CDH12: variants seen among roughly 807,000 people sequenced by gnomAD.
CDH12 encodes cadherin 12.
In CDH12, 41 loss-of-function variants were observed where a neutral mutation model predicts 74.1. The observed-to-expected ratio is 0.55, with a 90% CI of 0.43 to 0.72. The LOEUF (loss-of-function observed/expected upper bound fraction) is 0.72, where lower values mean the gene tolerates loss of function less well. CDH12 is among the 30% of genes least tolerant of loss of function. The pLI, the probability that CDH12 is intolerant of heterozygous loss-of-function variation, is 0.00. For missense variants in CDH12, 945 were observed against 977.2 expected (o/e 0.97, Z 0.44); for synonymous variants, 399 against 355.0 (o/e 1.12, Z -1.39).
chr5:22,095,689 ACCC>A (rs1743719612), intron 4 of CDH12, among the ~76,000 whole-genome samples: 1 of 146,170 alleles, frequency 6.8e-6, no homozygotes. Context: ...CCGTGTCTCT[ACCC>A]CTTCTCTGCT....
At chr5:22,077,113 G>T (rs981349977) in intron 5 of CDH12, among the ~76,000 whole-genome samples, 9 of 151,646 alleles carry the variant, frequency 5.9e-5, no homozygotes, top group Non-Finnish European at 1.0e-4. Context: ...GAGACTGGAT[G>T]ACCAGAATGG....
intron 1 of CDH12, among the ~76,000 whole-genome samples, chr5:22,566,502 T>G (rs757441589): frequency 3.4e-4 from 52 of 152,178 alleles, no homozygotes; most frequent in Non-Finnish European, 7.1e-4. Context: ...GCTCCCAAAG[T>G]GCTGGGATTA....
At chr5:22,177,279 C>T (rs987081605) in intron 4 of CDH12, among the ~76,000 whole-genome samples, 7 of 151,988 alleles carry the variant, frequency 4.6e-5, no homozygotes, top group Non-Finnish European at 5.9e-5. Flanking sequence ...ATACAGAAGT[C>T]GCTTTGCTTT....
At chr5:22,357,815 G>T (rs1329493323) in intron 3 of CDH12, among the ~76,000 whole-genome samples, 1 of 152,066 alleles carries the variant, frequency 6.6e-6, no homozygotes, top group Non-Finnish European at 1.5e-5. Flanking sequence ...ACACAGAAAA[G>T]ATAAAATAGA....
intron 1 of CDH12, among the ~76,000 whole-genome samples, chr5:22,685,151 G>A (rs890650398): frequency 9.2e-5 from 14 of 152,170 alleles, no homozygotes; most frequent in African/African-American, 2.9e-4. Flanking sequence ...GCCTATTAAC[G>A]TGTACAATTA....
chr5:22,383,687 G>A lies in CDH12; in HGVS notation c.-333+21570C>T, dbSNP rs73744408. Among the ~76,000 whole-genome samples, 944 of 152,252 alleles carry A rather than the reference G, an allele frequency of 6.2e-3. 10 individuals carry two copies. The highest frequency in any genetic ancestry group is 0.022 in the African/African-American group (907 of 41,560). ...GCCAAAATAATCTCCCAATTCATGTGTATATTTCTCTAACTGGCATAAATC... is the reference window on the plus strand; with the variant it reads ...GCCAAAATAATCTCCCAATTCATGTATATATTTCTCTAACTGGCATAAATC... On this transcript the variant is annotated intron_variant, in intron 3 of 14. Transcript: ENST00000382254.
At chr5:22,193,084 A>G (rs950545119) in intron 4 of CDH12, among the ~76,000 whole-genome samples, 2 of 152,192 alleles carry the variant, frequency 1.3e-5, no homozygotes, top group African/African-American at 4.8e-5. Context: ...GCTGGAGAAA[A>G]CTGCAATTTT....
At chr5:22,057,859 C>T (rs1740849883) in intron 5 of CDH12, among the ~76,000 whole-genome samples, 1 of 152,130 alleles carries the variant, frequency 6.6e-6, no homozygotes, top group Non-Finnish European at 1.5e-5. Context: ...TCTCTGTGTT[C>T]TCCAGAGAAC....
intron 1 of CDH12, among the ~76,000 whole-genome samples, chr5:22,605,908 T>G (rs549980974): frequency 6.6e-6 from 1 of 152,300 alleles, no homozygotes; most frequent in South Asian, 2.1e-4. Context: ...CATCTCCAGT[T>G]GTGCTCTTAA....
chr5:22,579,463 T>A (rs1009861096), intron 1 of CDH12, among the ~76,000 whole-genome samples: 2 of 152,138 alleles, frequency 1.3e-5, no homozygotes, highest in Non-Finnish European at 2.9e-5. Context: ...TTATGATGAA[T>A]TGGAAACAAA....
At chr5:21,876,152 C>A (rs1014828556) in intron 6 of CDH12, among the ~76,000 whole-genome samples, 2 of 152,090 alleles carry the variant, frequency 1.3e-5, no homozygotes, top group East Asian at 3.9e-4. Context: ...CCTCAGCCTC[C>A]CAAAGTGCTG....
chr5:22,078,334 C>T (rs938452202), intron 5 of CDH12, 112 bp downstream of exon 5: 3 of 867,426 alleles, frequency 3.5e-6, no homozygotes, highest in African/African-American at 3.4e-5. Context: ...GATTTCAATT[C>T]CAGTGTTCTA....
intron 5 of CDH12, among the ~76,000 whole-genome samples, chr5:21,982,258 A>G (rs1757336402): frequency 6.6e-6 from 1 of 151,944 alleles, no homozygotes; most frequent in African/African-American, 2.4e-5. Flanking sequence ...GAGACACTGG[A>G]ATTTTTTTTC....
intron 4 of CDH12, among the ~76,000 whole-genome samples, chr5:22,106,446 A>G (rs1744449003): frequency 6.6e-6 from 1 of 152,190 alleles, no homozygotes. Flanking sequence ...TAATTGTCCT[A>G]ATATCTTGTA....
rs5866587 is a variant in CDH12, at chr5:22,705,499, G to GCACACACACACACACA, written c.-523+147543_-523+147558dup. Among the ~76,000 whole-genome samples the GCACACACACACACACA allele has an allele frequency of 6.4e-3, 922 of 143,584 alleles. 7 individuals carry two copies. Among genetic ancestry groups the GCACACACACACACACA allele is most frequent in the Non-Finnish European group, 8.5e-3 (549 of 64,914 alleles). 94.2% of individuals were successfully genotyped at this position (143,584 alleles called of 152,430 possible). A position where few individuals can be genotyped will look rare whatever the true frequency, so the allele number is the denominator to read the frequency against. On this transcript the variant is annotated intron_variant, in intron 1 of 14. Transcript: ENST00000382254. The stretch of plus-strand genomic sequence containing the variant: ...GTTTCATTAAGAAATCAACACACAT[G>GCACACACACACACACA]CACACACACACACACACACACACAC...
At chr5:22,741,764 T>C (rs1053559843) in intron 1 of CDH12, among the ~76,000 whole-genome samples, 5 of 152,204 alleles carry the variant, frequency 3.3e-5, no homozygotes, top group Non-Finnish European at 7.3e-5. Context: ...AACTCAGTGA[T>C]ACACTAATCT....
intron 3 of CDH12, among the ~76,000 whole-genome samples, chr5:22,319,507 TTC>T (rs1738772844): frequency 6.6e-6 from 1 of 152,100 alleles, no homozygotes; most frequent in South Asian, 2.1e-4. Context: ...AGAATATAGT[TTC>T]TCTCTCACAG....
At chr5:22,699,295 A>G (rs181993092) in intron 1 of CDH12, among the ~76,000 whole-genome samples, 78 of 152,330 alleles carry the variant, frequency 5.1e-4, no homozygotes, top group African/African-American at 1.8e-3. Flanking sequence ...ATAGGTTCAT[A>G]TAGGAAAACT....
At chr5:21,808,762 A>C (rs1026232316) in intron 9 of CDH12, among the ~76,000 whole-genome samples, 1 of 152,090 alleles carries the variant, frequency 6.6e-6, no homozygotes, top group African/African-American at 2.4e-5. Context: ...GAGACGTGGG[A>C]GAGTTTATGC....
Sources: allele counts gnomAD v4.1 joint callset (sites outside exome capture counted in the v4.1 genomes callset), GRCh38; gene constraint gnomAD v4.1.1; transcripts MANE v1.5; gene names NCBI Gene and HGNC (gene_info 2026-07-23, HGNC 2026-07-21).